Variants in PLA2G4C observed in about 807,000 individuals in gnomAD.
PLA2G4C encodes cytosolic phospholipase A2 gamma.
A neutral mutation model predicts 73.8 loss-of-function variants in PLA2G4C; 64 were observed. That is an observed-to-expected ratio of 0.87 (90% CI 0.71 to 1.07). The LOEUF (loss-of-function observed/expected upper bound fraction) is 1.07. Ranked by LOEUF, PLA2G4C falls within the 50% of genes least tolerant of loss-of-function variation. The probability of loss-of-function intolerance (pLI) is 0.00; values close to 1 mark genes in which losing one functional copy is unlikely to be tolerated. For synonymous variants in PLA2G4C, 254 were observed against 252.1 expected, an observed-to-expected ratio of 1.01 and a Z score of -0.07; for missense variants, 622 against 665.4, an observed-to-expected ratio of 0.93 and a Z score of 0.72.
intron 13 of PLA2G4C, among the ~76,000 whole-genome samples, chr19:48,064,282 A>T (rs554615811): frequency 2.0e-5 from 3 of 152,178 alleles, no homozygotes; most frequent in Non-Finnish European, 4.4e-5. Flanking sequence ...CACAAAAATT[A>T]GCCAGGCGTG....
At chr19:48,067,941 GC>G (rs1568430241) in intron 12 of PLA2G4C, 55 bp from the exon 13 acceptor site, 2 of 1,242,054 alleles carry the variant, frequency 1.6e-6, no homozygotes, top group Non-Finnish European at 2.4e-6. Context: ...AGTGGTTTCT[GC>G]CCCCACCAAA....
At chr19:48,101,146 G>A (rs1166492175) in intron 4 of PLA2G4C, among the ~76,000 whole-genome samples, 4 of 98,372 alleles carry the variant, frequency 4.1e-5, no homozygotes, top group African/African-American at 2.6e-4. Flanking sequence ...TTTTTTTTGA[G>A]ACAGGTCTTG....
intron 11 of PLA2G4C, among the ~76,000 whole-genome samples, chr19:48,077,297 T>C (rs1003802259): frequency 6.6e-6 from 1 of 151,896 alleles, no homozygotes; most frequent in Admixed American, 6.6e-5. Context: ...ACACCAACAA[T>C]GACCAAGCTG....
In PLA2G4C at chr19:48,110,640, T is replaced by C; in HGVS notation, c.-186A>G. 1 of 609,084 alleles carries C rather than the reference T, an allele frequency of 1.6e-6. No homozygotes were observed. The highest frequency in any genetic ancestry group is 2.9e-5 in the South Asian group (1 of 34,210). 37.7% of individuals were successfully genotyped at this position (609,084 alleles called of 1,614,324 possible). A position where few individuals can be genotyped will look rare whatever the true frequency, so the allele number is the denominator to read the frequency against. On this transcript the variant is annotated 5_prime_UTR_variant, in exon 1 of 17. Coordinates refer to ENST00000599921, the MANE Select transcript of PLA2G4C (RefSeq NM_003706.3). Reference sequence around the variant, plus strand: ...GGGTGAAGACTGCGGGGATCCTCGGTGCCAAAGCTTCTGTGGTCCTCCTGC... The same window carrying C: ...GGGTGAAGACTGCGGGGATCCTCGGCGCCAAAGCTTCTGTGGTCCTCCTGC...
intron 12 of PLA2G4C, 71 bp from the exon 13 acceptor site, chr19:48,067,957 T>C: frequency 1.9e-6 from 2 of 1,045,110 alleles, no homozygotes; most frequent in Non-Finnish European, 3.0e-6. Context: ...ACCAAAGTCA[T>C]ATGTGGAAGC....
intron 2 of PLA2G4C, 74 bp downstream of exon 2, chr19:48,106,448 T>C: frequency 8.9e-7 from 1 of 1,123,966 alleles, no homozygotes; most frequent in Non-Finnish European, 1.4e-6. Flanking sequence ...AGCCCTCACC[T>C]CTTGACACTC....
chr19:48,050,141 C>T (rs1382141791), intron 16 of PLA2G4C, among the ~76,000 whole-genome samples: 3 of 152,210 alleles, frequency 2.0e-5, no homozygotes, highest in East Asian at 3.9e-4. Context: ...AGGTTGGTCT[C>T]GAACTCCTGA....
chr19:48,100,819 C>T (rs2031868103), intron 4 of PLA2G4C, among the ~76,000 whole-genome samples: 1 of 148,070 alleles, frequency 6.8e-6, no homozygotes, highest in Admixed American at 6.8e-5. Context: ...GAGGCTGAGG[C>T]AGGAGAATGG....
In PLA2G4C at chr19:48,110,557, G is replaced by GGGCTCCGGAATCCGGTGCGGAGGCTTA; in HGVS notation, c.-104_-103insTAAGCCTCCGCACCGGATTCCGGAGCC. ...GCTCCGGAATCCGGTGCGGAGGCTT[G>GGGCTCCGGAATCCGGTGCGGAGGCTTA]GGCTCCCTGCGCTTAGCGGTGTAGT... is the stretch of plus-strand genomic sequence containing the variant. On this transcript the variant is annotated 5_prime_UTR_variant, in exon 1 of 17. Transcript: ENST00000599921. 1.3e-6 allele frequency: 2 copies of GGGCTCCGGAATCCGGTGCGGAGGCTTA among 1,489,568 alleles called. No homozygotes were observed. Among genetic ancestry groups the GGGCTCCGGAATCCGGTGCGGAGGCTTA allele is most frequent in the Admixed American group, 2.1e-5 (1 of 46,836 alleles). The allele number at this position is 1,489,568 out of a possible 1,614,324, so 92.3% of individuals were successfully genotyped here. A position where few individuals can be genotyped will look rare whatever the true frequency, so the allele number is the denominator to read the frequency against.
chr19:48,083,604 C>T (rs1257774581), intron 10 of PLA2G4C, among the ~76,000 whole-genome samples: 3 of 151,298 alleles, frequency 2.0e-5, no homozygotes, highest in South Asian at 4.2e-4. Flanking sequence ...TGTACCACCA[C>T]GCCCGGCTAA....
intron 13 of PLA2G4C, among the ~76,000 whole-genome samples, chr19:48,063,046 T>C (rs780923019): frequency 6.6e-6 from 1 of 152,050 alleles, no homozygotes; most frequent in Non-Finnish European, 1.5e-5. Context: ...AAGTGAATGG[T>C]TGCATTCTTT....
rs199571569 is a variant in PLA2G4C at position 48,104,767 on chromosome 19, G to A, written c.121-43C>T. On this transcript the variant is annotated intron_variant, in intron 3 of 16. Coordinates refer to ENST00000599921, the MANE Select transcript of PLA2G4C (RefSeq NM_003706.3). ...AATCGATCAGAGGTTTAGAGCCTGA[G>A]GATGGAGGTGGGAACAAGAAGAAGG... The A allele has an allele frequency of 2.6e-3, 4,219 of 1,601,568 alleles. 12 individuals are homozygous for A. Among genetic ancestry groups the A allele is most frequent in the Non-Finnish European group, 3.0e-3 (3,531 of 1,171,914 alleles).
chr19:48,081,800 G>C (rs4801746), intron 10 of PLA2G4C, among the ~76,000 whole-genome samples: 1 of 139,436 alleles, frequency 7.2e-6, no homozygotes, highest in Non-Finnish European at 1.6e-5. Flanking sequence ...ACACATTGGG[G>C]CCAGGTGTGG....
chr19:48,098,179 G>A lies in PLA2G4C; in HGVS notation c.528C>T (p.Asp176=). Residue 176 remains aspartate (D), a synonymous_variant, in exon 6 of 17, where the codon GAC becomes GAT. Coordinates refer to ENST00000599921, the MANE Select transcript of PLA2G4C (RefSeq NM_003706.3). The part of the protein sequence containing the change: ...TLPYPIFAAI[D]NDLQPSWQEA... ...CCTGCCAGGAAGGTTGCAGGTCATT[G>A]TCAATGGCTGCAAATATTGGGTAGG... 6.2e-7 allele frequency: 1 copy of A among 1,613,818 alleles called. No homozygotes were observed. Among genetic ancestry groups the A allele is most frequent in the Non-Finnish European group, 8.5e-7 (1 of 1,179,846 alleles).
intron 10 of PLA2G4C, among the ~76,000 whole-genome samples, chr19:48,080,993 C>CAAA (rs34388817): frequency 0.017 from 1,714 of 102,842 alleles, 43 homozygotes; most frequent in African/African-American, 0.062. Flanking sequence ...ACTAAAAATA[C>CAAA]AAAAAAAAAA....
intron 15 of PLA2G4C, among the ~76,000 whole-genome samples, chr19:48,054,581 C>T (rs1349567862): frequency 6.6e-6 from 1 of 151,908 alleles, no homozygotes; most frequent in Non-Finnish European, 1.5e-5. Context: ...TCCCAAAGTG[C>T]TGGGATTACA....
Position 48,067,854 on chromosome 19 carries a change from T to A in PLA2G4C, c.1039A>T (p.Lys347Ter), listed in dbSNP as rs1170198246. The A allele has an allele frequency of 6.2e-7, 1 of 1,613,858 alleles. No homozygotes were observed. Among genetic ancestry groups the A allele is most frequent in the Non-Finnish European group, 8.5e-7 (1 of 1,179,748 alleles). Residue 347 changes from lysine (K) to a stop codon, truncating the protein, a stop_gained, in exon 13 of 17, where the codon AAA becomes TAA. Coordinates refer to ENST00000599921, the MANE Select transcript of PLA2G4C (RefSeq NM_003706.3). LOFTEE classifies it high-confidence loss of function. ...SLSNLMDFVK[K>*]TGICASKWEW... is the part of the protein sequence containing the mutation. Reference sequence around the variant, plus strand: ...CACTTTGAAGCGCAAATGCCTGTTTTCTTCACAAAATCCATCAAGTTACTG... The same window carrying A: ...CACTTTGAAGCGCAAATGCCTGTTTACTTCACAAAATCCATCAAGTTACTG...
chr19:48,098,340 T>TC (rs894092199), intron 5 of PLA2G4C, 81 bp from the exon 6 acceptor site: 18 of 1,354,552 alleles, frequency 1.3e-5, no homozygotes, highest in Non-Finnish European at 1.8e-5. Context: ...GGCCACATTT[T>TC]TTTTTAGAGG....
At chr19:48,095,692 A>G in intron 6 of PLA2G4C, 88 bp from the exon 7 acceptor site, 1 of 1,307,730 alleles carries the variant, frequency 7.6e-7, no homozygotes, top group Admixed American at 1.7e-5. Context: ...ATTAATGAGG[A>G]ATTACAACCA....
Sources: gnomAD v4.1 joint callset for allele counts (sites outside exome capture counted in the v4.1 genomes callset) on GRCh38, gnomAD v4.1.1 for gene constraint, MANE v1.5 for transcripts, NCBI Gene and HGNC (gene_info 2026-07-23, HGNC 2026-07-21) for gene names.